B4GALNT3: variants seen among roughly 807,000 people sequenced by gnomAD.
B4GALNT3 encodes beta-1,4-N-acetylgalactosaminyltransferase 3.
B4GALNT3 carries 86 observed loss-of-function variants against 120.2 expected under a neutral mutation model. The ratio of observed to expected loss-of-function variants is 0.72; its 90% CI spans 0.60 to 0.86. The LOEUF is 0.86. B4GALNT3 is among the 40% of genes least tolerant of loss of function. B4GALNT3 has a pLI of 0.00. For missense variants in B4GALNT3, 1,167 were observed against 1,298.9 expected (o/e 0.90, Z 1.56); for synonymous variants, 518 against 510.4 (o/e 1.01, Z -0.20).
chr12:558,392 G>C (rs1035005831), intron 17 of B4GALNT3, 116 bp from the exon 18 acceptor site: 2 of 998,878 alleles, frequency 2.0e-6, no homozygotes, highest in Non-Finnish European at 1.5e-6. Flanking sequence ...AGCTGGTTTT[G>C]TGGGAGTTTG....
chr12:552,774 G>A (rs979798885), intron 13 of B4GALNT3: 36 of 548,036 alleles, frequency 6.6e-5, no homozygotes, highest in Non-Finnish European at 7.8e-5. Flanking sequence ...GTGAGAGCCC[G>A]GGGGAGGTTA....
At chr12:545,869 G>A (rs1339039407) in intron 6 of B4GALNT3, among the ~76,000 whole-genome samples, 1 of 26,948 alleles carries the variant, frequency 3.7e-5, no homozygotes, top group African/African-American at 1.9e-4. Flanking sequence ...GTGGGGAGGT[G>A]AGAGGAGTGG....
chr12:544,790 C>G (rs990602413), intron 4 of B4GALNT3, 92 bp from the exon 5 acceptor site: 3 of 1,280,042 alleles, frequency 2.3e-6, no homozygotes, highest in African/African-American at 1.5e-5. Context: ...TCCCTCCTGT[C>G]ATAGTCCCCT....
intron 3 of B4GALNT3, among the ~76,000 whole-genome samples, chr12:537,680 G>A (rs2120669715): frequency 6.6e-6 from 1 of 152,340 alleles, no homozygotes; most frequent in Middle Eastern, 3.4e-3. Flanking sequence ...CTTTGGGGAT[G>A]AAAATTTTAA....
At chr12:467,183 T>C (rs1359262443) in intron 1 of B4GALNT3, among the ~76,000 whole-genome samples, 2 of 152,340 alleles carry the variant, frequency 1.3e-5, no homozygotes. Context: ...TCTTAGCTTA[T>C]GCAGCCTTGA....
intron 1 of B4GALNT3, among the ~76,000 whole-genome samples, chr12:533,626 C>G (rs766094455): frequency 3.3e-5 from 5 of 152,124 alleles, no homozygotes; most frequent in Non-Finnish European, 5.9e-5. Context: ...TGTTCTGATC[C>G]TGCCTGCGGA....
intron 3 of B4GALNT3, chr12:540,351 GT>G (rs1191933252): frequency 6.6e-6 from 1 of 152,232 alleles, no homozygotes; most frequent in Non-Finnish European, 1.5e-5. Flanking sequence ...GGAAGATACT[GT>G]TCTGGGCTTA....
At chr12:524,361 A>G (rs1467302114) in intron 1 of B4GALNT3, among the ~76,000 whole-genome samples, 2 of 152,244 alleles carry the variant, frequency 1.3e-5, no homozygotes. Flanking sequence ...AGCCCTCCAG[A>G]TCAGATAATG....
intron 1 of B4GALNT3, among the ~76,000 whole-genome samples, chr12:510,253 C>T (rs992128615): frequency 3.9e-5 from 6 of 152,134 alleles, no homozygotes; most frequent in African/African-American, 9.7e-5. Context: ...CAGCAAGGGG[C>T]GGGCAAGAGG....
chr12:467,872 G>C (rs1946097075), intron 1 of B4GALNT3, among the ~76,000 whole-genome samples: 1 of 152,210 alleles, frequency 6.6e-6, no homozygotes, highest in Non-Finnish European at 1.5e-5. Context: ...TGCTTCTCTT[G>C]AGCGGTTTGT....
chr12:536,282 C>T lies in B4GALNT3; in HGVS notation c.338C>T (p.Pro113Leu), dbSNP rs763929364. The stretch of plus-strand genomic sequence containing the variant: ...TACTTGAAGTGGAACAAGCCTGTCC[C>T]CTGGCTCTCAGAGGTGAGGGACTTT... ...SSYLKWNKPV[P>L]WLSEFRGRAN... Residue 113 changes from proline to leucine, a missense_variant, in exon 3 of 20, where the codon CCC becomes CTC. This residue lies in a region of B4GALNT3 where 171 missense variants were observed against 161.3 expected (regional missense o/e 1.06). Coordinates refer to ENST00000266383, the MANE Select transcript of B4GALNT3 (RefSeq NM_173593.4). 5.0e-6 allele frequency: 8 copies of T among 1,613,454 alleles called. No individual in the cohort carries two copies. In the South Asian group the frequency reaches 6.6e-5, roughly 13 times the overall value.
chr12:538,940 G>A (rs139485751), intron 3 of B4GALNT3, among the ~76,000 whole-genome samples: 27 of 152,310 alleles, frequency 1.8e-4, no homozygotes, highest in African/African-American at 6.3e-4. Flanking sequence ...CTACTGTCCG[G>A]GAGCTGTCAG....
chr12:488,664 T>A (rs1946312847), intron 1 of B4GALNT3, among the ~76,000 whole-genome samples: 1 of 152,008 alleles, frequency 6.6e-6, no homozygotes. Flanking sequence ...AAAAATTAAA[T>A]TTTTAAAATT....
At position 486,360 on chromosome 12, in the gene B4GALNT3, C is replaced by T. The variant is rs573938365; in HGVS notation, c.169+25815C>T. Among the ~76,000 whole-genome samples, 7 of 152,080 alleles carry T rather than the reference C, an allele frequency of 4.6e-5. No individual in the cohort carries two copies. In the South Asian group the frequency reaches 1.0e-3, roughly 23 times the overall value. On this transcript the variant is annotated intron_variant, in intron 1 of 19. Transcript: ENST00000266383. The stretch of plus-strand genomic sequence containing the variant: ...GAGTACTTGGGATTACAGGTGCCTG[C>T]CACTGCACCCGGCTAATTTTTGTCT...
chr12:488,414 CAGAT>C (rs772012096), intron 1 of B4GALNT3, among the ~76,000 whole-genome samples: 7 of 152,066 alleles, frequency 4.6e-5, no homozygotes, highest in Admixed American at 6.5e-5. Context: ...ATTGATCTAA[CAGAT>C]AGGTTTATTC....
chr12:467,205 C>T (rs953460262), intron 1 of B4GALNT3, among the ~76,000 whole-genome samples: 2 of 152,058 alleles, frequency 1.3e-5, no homozygotes, highest in Admixed American at 1.3e-4. Context: ...CTCCTGGGCT[C>T]AGTGACAGGA....
At chr12:544,269 C>A in intron 3 of B4GALNT3, 70 bp from the exon 4 acceptor site, 1 of 1,460,010 alleles carries the variant, frequency 6.8e-7, no homozygotes, top group African/African-American at 1.4e-5. Context: ...GCTCATCCCC[C>A]TGGAGCTGAG....
At chr12:528,799 G>A (rs971368678) in intron 1 of B4GALNT3, among the ~76,000 whole-genome samples, 1 of 152,224 alleles carries the variant, frequency 6.6e-6, no homozygotes, top group Admixed American at 6.5e-5. Flanking sequence ...AGGACTCAGT[G>A]CTGGTTCCTG....
chr12:554,677 C>G (rs1358895099), intron 14 of B4GALNT3, among the ~76,000 whole-genome samples: 181 of 142,556 alleles, frequency 1.3e-3, no homozygotes, highest in African/African-American at 3.9e-3. Context: ...GTAGTCCCAG[C>G]TACTCGGGAG....
Sources: allele counts gnomAD v4.1 joint callset (sites outside exome capture counted in the v4.1 genomes callset), GRCh38; gene constraint gnomAD v4.1.1; regional missense constraint gnomAD v4.1.1; transcripts MANE v1.5; gene names NCBI Gene and HGNC (gene_info 2026-07-23, HGNC 2026-07-21).